RAB3GAP1: variants seen among roughly 807,000 people sequenced by gnomAD.
The protein encoded by RAB3GAP1 is RAB3 GTPase activating protein catalytic subunit 1, also known as rab3 GTPase-activating protein catalytic subunit.
Under a neutral mutation model 130.7 loss-of-function variants are expected in RAB3GAP1, and 86 were observed. That is an observed-to-expected ratio of 0.66 (90% confidence interval 0.55 to 0.79). RAB3GAP1 has a LOEUF of 0.79. Ranked by LOEUF, RAB3GAP1 falls within the 30% of genes least tolerant of loss-of-function variation. The probability of loss-of-function intolerance (pLI) is 0.00; values close to 1 mark genes in which losing one functional copy is unlikely to be tolerated. For missense variants in RAB3GAP1, 1,029 were observed against 1,169.4 expected (o/e 0.88, Z 1.75); for synonymous variants, 367 against 401.7 (o/e 0.91, Z 1.03).
At chr2:135,172,823 A>T (rs1216509679), downstream of RAB3GAP1, among the ~76,000 whole-genome samples, 1 of 151,976 alleles carries the variant, frequency 6.6e-6, no homozygotes, top group Non-Finnish European at 1.5e-5. Context: ...CAACTCACAC[A>T]CCCTGTGAAG....
At chr2:135,088,344 A>G (rs1469855697) in intron 3 of RAB3GAP1, among the ~76,000 whole-genome samples, 2 of 152,102 alleles carry the variant, frequency 1.3e-5, no homozygotes, top group East Asian at 3.9e-4. Flanking sequence ...TGATGCCTTG[A>G]TTTAACACAG....
At chr2:135,105,666 G>A (rs1040407127) in intron 5 of RAB3GAP1, among the ~76,000 whole-genome samples, 6 of 152,150 alleles carry the variant, frequency 3.9e-5, no homozygotes, top group Non-Finnish European at 7.3e-5. Context: ...CATCTGGGAA[G>A]TGAGGAGCGT....
chr2:135,119,992 A>G (rs1869829), intron 7 of RAB3GAP1, among the ~76,000 whole-genome samples: 76,400 of 152,082 alleles, frequency 0.5, 24,200 homozygotes, highest in African/African-American at 0.84. Flanking sequence ...TAGCTGATTC[A>G]TTAATCTATT....
intron 15 of RAB3GAP1, 98 bp downstream of exon 15, chr2:135,134,131 T>A (rs1034099606): frequency 5.1e-6 from 7 of 1,366,706 alleles, no homozygotes; most frequent in Non-Finnish European, 7.2e-6. Context: ...AAGTCTGCCC[T>A]AAGAAAGTGG....
At chr2:135,097,245 C>G (rs1323972454) in intron 5 of RAB3GAP1, among the ~76,000 whole-genome samples, 1 of 145,574 alleles carries the variant, frequency 6.9e-6, no homozygotes, top group Non-Finnish European at 1.5e-5. Context: ...AGAGACAGGT[C>G]TTACTCTGTC....
intron 19 of RAB3GAP1, chr2:135,162,289 G>A (rs1399428995): frequency 1.2e-5 from 5 of 401,186 alleles, no homozygotes; most frequent in South Asian, 3.1e-5. Context: ...GTAATCAGTC[G>A]GTAGTTTTTA....
chr2:135,112,281 C>T (rs374788490), intron 5 of RAB3GAP1, among the ~76,000 whole-genome samples: 1 of 152,242 alleles, frequency 6.6e-6, no homozygotes. Context: ...TAAACCGCAA[C>T]ACCGTCCCAG....
chr2:135,095,678 T>C (rs1013555767), intron 5 of RAB3GAP1, among the ~76,000 whole-genome samples: 2 of 152,186 alleles, frequency 1.3e-5, no homozygotes, highest in African/African-American at 2.4e-5. Flanking sequence ...CTGAAAATAT[T>C]AAATGGAAAA....
At chr2:135,118,902 T>A (rs972116272) in intron 7 of RAB3GAP1, among the ~76,000 whole-genome samples, 1 of 152,088 alleles carries the variant, frequency 6.6e-6, no homozygotes, top group Non-Finnish European at 1.5e-5. Flanking sequence ...AGTGTCTGGC[T>A]TAAGCAGAGA....
At chr2:135,077,744 T>C (rs1689671114) in intron 3 of RAB3GAP1, among the ~76,000 whole-genome samples, 1 of 152,240 alleles carries the variant, frequency 6.6e-6, no homozygotes, top group Non-Finnish European at 1.5e-5. Flanking sequence ...AAAATAATGA[T>C]CATTCTAATG....
chr2:135,162,415 CT>C, intron 19 of RAB3GAP1, 139 bp from the exon 20 acceptor site: 1 of 713,260 alleles, frequency 1.4e-6, no homozygotes, highest in Non-Finnish European at 2.6e-6. Context: ...TTATCCTCAC[CT>C]TTGGGGTCGT....
At chr2:135,061,943 G>A (rs116002158) in intron 3 of RAB3GAP1, among the ~76,000 whole-genome samples, 1,523 of 152,146 alleles carry the variant, frequency 0.01, 23 homozygotes, top group African/African-American at 0.035. Context: ...CCTTTATTGA[G>A]TAGTTGACCT....
intron 7 of RAB3GAP1, among the ~76,000 whole-genome samples, chr2:135,117,306 A>G (rs1691000054): frequency 6.6e-6 from 1 of 152,238 alleles, no homozygotes. Flanking sequence ...AGTATTTATT[A>G]GTATCTTCTC....
chr2:135,074,912 A>C (rs1181210994), intron 3 of RAB3GAP1, among the ~76,000 whole-genome samples: 1 of 152,150 alleles, frequency 6.6e-6, no homozygotes, highest in Non-Finnish European at 1.5e-5. Flanking sequence ...TATGGACGAG[A>C]TATTTGGGAA....
chr2:135,164,740 C>T (rs766032229), intron 23 of RAB3GAP1, 44 bp downstream of exon 23: 29 of 1,481,762 alleles, frequency 2.0e-5, no homozygotes, highest in Middle Eastern at 1.8e-4. Flanking sequence ...CTCTCCAAAC[C>T]TCTACTTGGG....
intron 10 of RAB3GAP1, 23 bp downstream of exon 10, chr2:135,126,272 T>TACACTGAGAGA: frequency 1.3e-6 from 2 of 1,561,006 alleles, no homozygotes; most frequent in Non-Finnish European, 1.8e-6. Flanking sequence ...AGAGTAGTAG[T>TACACTGAGAGA]ACACTGAGAT....
chr2:135,101,159 T>G (rs1690437691), intron 5 of RAB3GAP1, among the ~76,000 whole-genome samples: 1 of 152,188 alleles, frequency 6.6e-6, no homozygotes, highest in Non-Finnish European at 1.5e-5. Context: ...GAACCAGACA[T>G]CTTAAGAGGA....
Position 135,168,828 on chromosome 2 carries a change from C to T in RAB3GAP1, c.*47C>T, listed in dbSNP as rs1335746497. 2.0e-5 allele frequency: 31 copies of T among 1,528,004 alleles called. No homozygotes were observed. Among genetic ancestry groups the T allele is most frequent in the Non-Finnish European group, 2.6e-5 (29 of 1,102,510 alleles). 94.7% of individuals were successfully genotyped at this position (1,528,004 alleles called of 1,614,324 possible). A position where few individuals can be genotyped will look rare whatever the true frequency, so the allele number is the denominator to read the frequency against. ...GTGGCTTCAGAGACAGTGCTGCCTC[C>T]TCCTGAGGGAGGGAAGGTACCAGGG... On this transcript the variant is annotated 3_prime_UTR_variant, in exon 24 of 24. Transcript: ENST00000264158.
chr2:135,131,519 C>T lies in RAB3GAP1; in HGVS notation c.1236+798C>T, dbSNP rs577644329. Among the ~76,000 whole-genome samples, 9 of 152,258 alleles carry T rather than the reference C, an allele frequency of 5.9e-5. No homozygotes were observed. In the South Asian group the frequency reaches 1.7e-3, roughly 28 times the overall value. On this transcript the variant is annotated intron_variant, in intron 13 of 23. Transcript: ENST00000264158. Reference sequence around the variant, plus strand: ...TGCTGGGATTACAGGCGTGAGCCACCGCACCTGGCCCCGGAAGTATATTTT... The same window carrying T: ...TGCTGGGATTACAGGCGTGAGCCACTGCACCTGGCCCCGGAAGTATATTTT...
Sources: gnomAD v4.1 joint callset for allele counts (sites outside exome capture counted in the v4.1 genomes callset) on GRCh38, gnomAD v4.1.1 for gene constraint, MANE v1.5 for transcripts, NCBI Gene and HGNC (gene_info 2026-07-23, HGNC 2026-07-21) for gene names.